BICD1: variants seen among roughly 807,000 people sequenced by gnomAD.
BICD1 encodes the protein protein bicaudal D homolog 1.
Under a neutral mutation model 92.5 loss-of-function variants are expected in BICD1, and 35 were observed. That is an observed-to-expected ratio of 0.38 (90% CI 0.29 to 0.50). The LOEUF (loss-of-function observed/expected upper bound fraction) is 0.50, where lower values mean the gene tolerates loss of function less well. Among genes scored for constraint, BICD1 ranks in the 20% least tolerant of loss-of-function variants. The pLI is 0.93. For synonymous variants in BICD1, 429 were observed against 465.1 expected, an observed-to-expected ratio of 0.92 and a Z score of 1.00; for missense variants, 950 against 1,189.8, an observed-to-expected ratio of 0.80 and a Z score of 2.97.
At chr12:32,298,468 G>A (rs112908740) in intron 3 of BICD1, among the ~76,000 whole-genome samples, 1 of 151,522 alleles carries the variant, frequency 6.6e-6, no homozygotes, top group Non-Finnish European at 1.5e-5. Context: ...AGGAGGCTGA[G>A]GCAGGAGAAT....
At chr12:32,149,776 G>A (rs777797300) in intron 1 of BICD1, among the ~76,000 whole-genome samples, 1 of 152,152 alleles carries the variant, frequency 6.6e-6, no homozygotes, top group South Asian at 2.1e-4. Flanking sequence ...TTCACAGATG[G>A]TGCCTTCTTA....
At chr12:32,341,156 C>T (rs748589020) in intron 8 of BICD1, among the ~76,000 whole-genome samples, 2 of 151,158 alleles carry the variant, frequency 1.3e-5, no homozygotes, top group African/African-American at 4.9e-5. Context: ...CAGAAAATAC[C>T]ATTGACCTTA....
At chr12:32,179,571 C>T (rs1944212120) in intron 1 of BICD1, among the ~76,000 whole-genome samples, 1 of 151,952 alleles carries the variant, frequency 6.6e-6, no homozygotes, top group African/African-American at 2.4e-5. Flanking sequence ...TAAATCTCTA[C>T]TTTCTTGATT....
At chr12:32,119,543 G>A (rs1942067371) in intron 1 of BICD1, among the ~76,000 whole-genome samples, 1 of 152,122 alleles carries the variant, frequency 6.6e-6, no homozygotes, top group Non-Finnish European at 1.5e-5. Flanking sequence ...CCAACTTGAG[G>A]ACTAAATGAC....
At chr12:32,247,078 A>C (rs1033156747) in intron 2 of BICD1, among the ~76,000 whole-genome samples, 2 of 151,702 alleles carry the variant, frequency 1.3e-5, no homozygotes, top group Non-Finnish European at 2.9e-5. Flanking sequence ...GCAACACAGC[A>C]AAACCTTGTT....
intron 1 of BICD1, among the ~76,000 whole-genome samples, chr12:32,126,623 G>A (rs1942351098): frequency 6.6e-6 from 1 of 152,040 alleles, no homozygotes; most frequent in African/African-American, 2.4e-5. Context: ...TTGGCATGGT[G>A]ATGCAAGCCT....
At chr12:32,172,069 TC>T (rs1317263974) in intron 1 of BICD1, among the ~76,000 whole-genome samples, 1 of 152,094 alleles carries the variant, frequency 6.6e-6, no homozygotes, top group Non-Finnish European at 1.5e-5. Context: ...TCTCTGCCTC[TC>T]CCTCCGTTCC....
At chr12:32,346,218 TA>T (rs1321640384) in intron 8 of BICD1, among the ~76,000 whole-genome samples, 1 of 151,866 alleles carries the variant, frequency 6.6e-6, no homozygotes, top group Non-Finnish European at 1.5e-5. Flanking sequence ...ACTATATCCA[TA>T]ATGTGATCAT....
chr12:32,360,287 A>G (rs968411695), intron 8 of BICD1, among the ~76,000 whole-genome samples: 4 of 152,184 alleles, frequency 2.6e-5, no homozygotes, highest in African/African-American at 9.6e-5. Context: ...CTGAAAAATC[A>G]TGAACTTATG....
chr12:32,321,210 C>T (rs1049370114), intron 4 of BICD1, among the ~76,000 whole-genome samples: 2 of 152,024 alleles, frequency 1.3e-5, no homozygotes, highest in Non-Finnish European at 2.9e-5. Flanking sequence ...CCTGTAAGCC[C>T]AACTACTCGG....
chr12:32,108,362 C>A, intron 1 of BICD1: 1 of 257,372 alleles, frequency 3.9e-6, no homozygotes, highest in Non-Finnish European at 7.4e-6. Context: ...TGGTATTTGG[C>A]CTCTTTTAAA....
intron 2 of BICD1, among the ~76,000 whole-genome samples, chr12:32,252,017 A>AT (rs1946539853): frequency 2.5e-5 from 1 of 40,504 alleles, no homozygotes; most frequent in Non-Finnish European, 5.4e-5. Flanking sequence ...ATTTATAATA[A>AT]ATATCATATA....
intron 3 of BICD1, among the ~76,000 whole-genome samples, chr12:32,297,805 A>ATTTATTCACTTG (rs11274729): frequency 2.0e-5 from 3 of 151,732 alleles, no homozygotes; most frequent in African/African-American, 7.3e-5. Context: ...TAAAGAGTCT[A>ATTTATTCACTTG]TTTACATTCC....
Position 32,348,536 on chromosome 12 carries a change from T to C in BICD1, c.2764+9557T>C, listed in dbSNP as rs531879537. 3.3e-5 allele frequency among the ~76,000 whole-genome samples: 5 copies of C among 151,134 alleles called. No individual in the cohort carries two copies. In the South Asian group the frequency reaches 8.5e-4, roughly 26 times the overall value. ...AGCAAGAGTAATTAGTTCATACTTATGTTCACCTAAGTCCACCCATACATT... is the reference window on the plus strand; with the variant it reads ...AGCAAGAGTAATTAGTTCATACTTACGTTCACCTAAGTCCACCCATACATT... On this transcript the variant is annotated intron_variant, in intron 8 of 9. Transcript: ENST00000652176.
chr12:32,204,952 A>G (rs1945006631), intron 1 of BICD1, among the ~76,000 whole-genome samples: 1 of 152,190 alleles, frequency 6.6e-6, no homozygotes, highest in African/African-American at 2.4e-5. Flanking sequence ...TGTAACAAAA[A>G]GCAGATATCA....
chr12:32,247,976 G>A (rs1410824395), intron 2 of BICD1, among the ~76,000 whole-genome samples: 8 of 150,634 alleles, frequency 5.3e-5, no homozygotes, highest in East Asian at 2.0e-4. Context: ...CCAACTATTC[G>A]GGAGGCTGAG....
chr12:32,369,694 C>T (rs1939657446), intron 9 of BICD1, among the ~76,000 whole-genome samples: 1 of 151,722 alleles, frequency 6.6e-6, no homozygotes, highest in Non-Finnish European at 1.5e-5. Context: ...AACTTCAAGA[C>T]CAGCCTGGGG....
intron 1 of BICD1, among the ~76,000 whole-genome samples, chr12:32,182,791 T>G (rs1317893594): frequency 6.6e-6 from 1 of 151,544 alleles, no homozygotes; most frequent in Non-Finnish European, 1.5e-5. Context: ...ATTAAAAGCA[T>G]TGTTACAATT....
At chr12:32,303,240 T>C (rs10844171) in intron 3 of BICD1, among the ~76,000 whole-genome samples, 25,392 of 151,854 alleles carry the variant, frequency 0.17, 2,716 homozygotes, top group African/African-American at 0.29. Flanking sequence ...CCGTGCCCAG[T>C]CCTCATAATG....
Sources: allele counts gnomAD v4.1 joint callset (sites outside exome capture counted in the v4.1 genomes callset), GRCh38; gene constraint gnomAD v4.1.1; transcripts MANE v1.5; gene names NCBI Gene and HGNC (gene_info 2026-07-23, HGNC 2026-07-21).